MASP2: variants seen among roughly 807,000 people sequenced by gnomAD.
MASP2 encodes the protein mannan-binding lectin serine protease 2.
A neutral mutation model predicts 57.1 loss-of-function variants in MASP2; 49 were observed. The ratio of observed to expected loss-of-function variants is 0.86; its 90% CI spans 0.68 to 1.09. The LOEUF (loss-of-function observed/expected upper bound fraction) is 1.09. MASP2 is among the 50% of genes least tolerant of loss of function. The pLI is 0.00. For missense variants in MASP2, 900 were observed against 874.8 expected, an observed-to-expected ratio of 1.03 and a Z score of -0.36; for synonymous variants, 379 against 340.8, an observed-to-expected ratio of 1.11 and a Z score of -1.24.
At chr1:11,043,093 A>C (rs1570754033) in intron 5 of MASP2, 71 bp from the exon 6 acceptor site, 1 of 1,528,130 alleles carries the variant, frequency 6.5e-7, no homozygotes. Context: ...GAAGTAACCC[A>C]CCTCCTCAGC....
chr1:11,029,951 A>G, intron 10 of MASP2: 1 of 393,686 alleles, frequency 2.5e-6, no homozygotes, highest in East Asian at 4.2e-5. Flanking sequence ...ATGCTTGCCT[A>G]GTTATAAGGT....
intron 10 of MASP2, among the ~76,000 whole-genome samples, chr1:11,028,202 A>G (rs911338306): frequency 6.6e-6 from 1 of 151,986 alleles, no homozygotes; most frequent in African/African-American, 2.4e-5. Flanking sequence ...GCCTGGTAAG[A>G]GCAAAACTCC....
chr1:11,031,274 G>A (rs1032819067), intron 8 of MASP2, among the ~76,000 whole-genome samples: 6 of 151,586 alleles, frequency 4.0e-5, no homozygotes, highest in Admixed American at 3.3e-4. Flanking sequence ...CTGTAATCCC[G>A]GCACTTTGGG....
At chr1:11,038,516 C>G (rs1638319698) in intron 6 of MASP2, among the ~76,000 whole-genome samples, 1 of 152,208 alleles carries the variant, frequency 6.6e-6, no homozygotes, top group Admixed American at 6.5e-5. Context: ...TCCACTCACC[C>G]CAAGGCTTCA....
At chr1:11,045,156 G>A in intron 4 of MASP2, 1 of 750,180 alleles carries the variant, frequency 1.3e-6, no homozygotes, top group East Asian at 2.7e-5. Flanking sequence ...GGGGTTCCCA[G>A]AGCCCAGGTG....
intron 7 of MASP2, among the ~76,000 whole-genome samples, chr1:11,035,894 CAAAAAAAAAAAAAA>C (rs61214689): frequency 1.0e-5 from 1 of 96,196 alleles, no homozygotes; most frequent in Non-Finnish European, 2.1e-5. Flanking sequence ...AGACCCTGTC[CAAAAAAAAAAAAAA>C]AAAAAAAAGC....
rs1324303416 is a variant in MASP2 at position 11,037,679 on chromosome 1, TTG to T, written c.1008+12_1008+13del. The stretch of plus-strand genomic sequence containing the variant: ...CAATCGTCATTGATCGTGGTGTACT[TTG>T]TTTTAACTCACTTGCAGAAGCTCAT... On this transcript the variant is annotated intron_variant, in intron 7 of 10. Coordinates refer to ENST00000400897, the MANE Select transcript of MASP2 (RefSeq NM_006610.4). 4 of 1,530,238 alleles carry T rather than the reference TTG, an allele frequency of 2.6e-6. No individual in the cohort carries two copies. In the African/African-American group the frequency reaches 4.1e-5, roughly 16 times the overall value. 94.8% of individuals were successfully genotyped at this position (1,530,238 alleles called of 1,614,324 possible). A position where few individuals can be genotyped will look rare whatever the true frequency, so the allele number is the denominator to read the frequency against.
rs1205371380 is a variant in MASP2, at chr1:11,043,486, G to C, written c.594C>G (p.Ser198Arg). 2 of 1,608,622 alleles carry C rather than the reference G, an allele frequency of 1.2e-6. No individual in the cohort carries two copies. The highest frequency in any genetic ancestry group is 3.4e-5 in the Admixed American group (2 of 59,252). The part of the protein sequence containing the change: ...VFTQRSGELS[S>R]PEYPRPYPKL... ...TGGGATACGGCCGTGGGTATTCAGG[G>C]CTGCTGAGCTCCCCAGACCTCTGGG... Residue 198 changes from serine (S) to arginine (R), a missense_variant, in exon 5 of 11, where the codon AGC (serine) becomes AGG (arginine). By Grantham distance (110) the Ser-to-Arg change is moderately radical (BLOSUM62 -1). Coordinates refer to ENST00000400897, the MANE Select transcript of MASP2 (RefSeq NM_006610.4).
chr1:11,045,296 CCCAGTGT>C (rs1638595637), intron 4 of MASP2, 105 bp downstream of exon 4: 1 of 1,515,424 alleles, frequency 6.6e-7, no homozygotes, highest in African/African-American at 1.4e-5. Flanking sequence ...CCTAGAAGCA[CCCAGTGT>C]CCAGGGCCCA....
intron 10 of MASP2, among the ~76,000 whole-genome samples, chr1:11,029,368 T>C (rs887235841): frequency 1.3e-5 from 2 of 150,582 alleles, no homozygotes; most frequent in African/African-American, 4.9e-5. Context: ...GCCACTGCAC[T>C]CCAACCTGGC....
rs1638430400 is a variant in MASP2, at chr1:11,041,404, G to GTGGATGAA, written c.889+1470_889+1471insTTCATCCA. Among the ~76,000 whole-genome samples the GTGGATGAA allele has an allele frequency of 3.3e-5, 4 of 120,860 alleles. No homozygotes were observed. The East Asian group carries it at 1.1e-3, about 34-fold the overall frequency. 79.3% of individuals were successfully genotyped at this position (120,860 alleles called of 152,430 possible). ...GATGGATGGATGGATGGATGGATGAGTGGATGGATGGATGGATGGATGGAT... is the reference window on the plus strand; with the variant it reads ...GATGGATGGATGGATGGATGGATGAGTGGATGAATGGATGGATGGATGGATGGATGGAT... On this transcript the variant is annotated intron_variant, in intron 6 of 10. Coordinates refer to ENST00000400897, the MANE Select transcript of MASP2 (RefSeq NM_006610.4).
rs1436263272 is a variant in MASP2, at chr1:11,027,047, G to A, written c.1899C>T (p.Ser633=). 1.4e-5 allele frequency: 23 copies of A among 1,593,364 alleles called. No individual in the cohort carries two copies. Among genetic ancestry groups the A allele is most frequent in the Middle Eastern group, 1.7e-4 (1 of 5,970 alleles). ...SGGKDSCRGD[S]GGALVFLDSE... ...TATCTAGAAACACCAGTGCCCCTCCGCTGTCACCTCTGCAGCTGTCCTTGC... is the reference window on the plus strand; with the variant it reads ...TATCTAGAAACACCAGTGCCCCTCCACTGTCACCTCTGCAGCTGTCCTTGC... Residue 633 remains serine (S), a synonymous_variant, in exon 11 of 11, where the codon AGC becomes AGT. Coordinates refer to ENST00000400897, the MANE Select transcript of MASP2 (RefSeq NM_006610.4).
chr1:11,039,948 T>G (rs6660648), intron 6 of MASP2, among the ~76,000 whole-genome samples: 147,793 of 147,900 alleles, frequency 1, 73,843 homozygotes, highest in Non-Finnish European at 1. Context: ...TGAATGGCTG[T>G]AAGAATGGGC....
intron 6 of MASP2, 62 bp from the exon 7 acceptor site, chr1:11,037,873 G>A (rs573808390): frequency 1.1e-6 from 1 of 909,976 alleles, no homozygotes; most frequent in Non-Finnish European, 1.7e-6. Flanking sequence ...AGACTGAATC[G>A]AGCCATCTGA....
In MASP2 at chr1:11,046,903, G is replaced by A. The variant is rs1250916397; in HGVS notation, c.222C>T (p.Tyr74=). The A allele has an allele frequency of 2.0e-5, 32 of 1,568,224 alleles. No individual in the cohort carries two copies. Among genetic ancestry groups the A allele is most frequent in the East Asian group, 2.3e-5 (1 of 42,620 alleles). The change falls in exon 2 of 11, where the codon TAC becomes TAT. Residue 74 remains tyrosine, a synonymous_variant. Transcript: ENST00000400897. ...FDLELSHLCE[Y]DFVKLSSGAK... ...GTCCTGACGGCACCTTGACGAAGTC[G>A]TACTCGCAGAGGTGGGAGAGCTCCA...
At chr1:11,041,774 G>GTGGA (rs1222622894) in intron 6 of MASP2, among the ~76,000 whole-genome samples, 6 of 2,084 alleles carry the variant, frequency 2.9e-3, no homozygotes, top group East Asian at 0.011. Context: ...GGAAGAATGG[G>GTGGA]TGGATGGATG....
At chr1:11,037,622 T>G in intron 7 of MASP2, 71 bp downstream of exon 7, 1 of 927,794 alleles carries the variant, frequency 1.1e-6, no homozygotes, top group Non-Finnish European at 1.6e-6. Context: ...CTTTCACATA[T>G]CTGCAGATAG....
At chr1:11,042,187 G>A (rs1176490136) in intron 6 of MASP2, among the ~76,000 whole-genome samples, 2 of 147,934 alleles carry the variant, frequency 1.4e-5, no homozygotes, top group Non-Finnish European at 3.0e-5. Context: ...CAGACAGGAC[G>A]ATGGGTGTAT....
intron 6 of MASP2, among the ~76,000 whole-genome samples, chr1:11,039,961 A>C (rs1437325467): frequency 1.4e-5 from 2 of 142,988 alleles, no homozygotes; most frequent in Non-Finnish European, 3.0e-5. Context: ...GAATGGGCGG[A>C]TGGGTAAATG....
Sources: gnomAD v4.1 joint callset for allele counts (sites outside exome capture counted in the v4.1 genomes callset) on GRCh38, gnomAD v4.1.1 for gene constraint, MANE v1.5 for transcripts, NCBI Gene and HGNC (gene_info 2026-07-23, HGNC 2026-07-21) for gene names.